Variants in CLPB observed in about 807,000 individuals in gnomAD.
The protein encoded by CLPB is mitochondrial disaggregase.
Under a neutral mutation model 78.4 loss-of-function variants are expected in CLPB, and 40 were observed. The ratio of observed to expected loss-of-function variants is 0.51; its 90% CI spans 0.40 to 0.66. The LOEUF (loss-of-function observed/expected upper bound fraction) is 0.66, where lower values mean the gene tolerates loss of function less well. Among genes scored for constraint, CLPB ranks in the 30% least tolerant of loss-of-function variants. The pLI, the probability that CLPB is intolerant of heterozygous loss-of-function variation, is 0.00. For missense variants in CLPB, 780 were observed against 886.9 expected, an observed-to-expected ratio of 0.88 and a Z score of 1.53; for synonymous variants, 333 against 348.0, an observed-to-expected ratio of 0.96 and a Z score of 0.48.
intron 11 of CLPB, among the ~76,000 whole-genome samples, chr11:72,297,639 GTGTGTGT>G (rs1949575929): frequency 4.6e-5 from 1 of 21,774 alleles, no homozygotes; most frequent in African/African-American, 5.9e-4. Context: ...GGGACCAGGT[GTGTGTGT>G]GTGTGTGTGT....
chr11:72,338,801 G>A (rs1950367578), intron 5 of CLPB, among the ~76,000 whole-genome samples: 1 of 152,224 alleles, frequency 6.6e-6, no homozygotes, highest in African/African-American at 2.4e-5. Flanking sequence ...GGATGGGTTC[G>A]CAGAAGCCAA....
intron 4 of CLPB, among the ~76,000 whole-genome samples, chr11:72,364,160 G>C (rs988730715): frequency 2.0e-5 from 3 of 152,066 alleles, no homozygotes; most frequent in African/African-American, 4.8e-5. Context: ...AAAGTGTAGA[G>C]AGCTTCAGCA....
chr11:72,395,985 G>A (rs1335951827), intron 3 of CLPB, among the ~76,000 whole-genome samples: 4 of 152,186 alleles, frequency 2.6e-5, no homozygotes, highest in Admixed American at 1.3e-4. Context: ...CAGCAATCTG[G>A]CTTAGGCTAT....
At chr11:72,306,178 G>C (rs1949743192) in intron 9 of CLPB, among the ~76,000 whole-genome samples, 1 of 152,206 alleles carries the variant, frequency 6.6e-6, no homozygotes, top group Admixed American at 6.5e-5. Context: ...GCAGAGCTAG[G>C]GGGAGTTTAA....
chr11:72,301,916 C>T lies in CLPB; in HGVS notation c.1216G>A (p.Gly406Ser), dbSNP rs1166219886. The change falls in exon 11 of 16, where the codon GGT (glycine) becomes AGT (serine). Residue 406 changes from glycine to serine, a missense_variant. Physicochemically the swap from Gly to Ser is moderately conservative, Grantham distance 56. This residue lies in a region of CLPB where 91 missense variants were observed against 168.2 expected (regional missense o/e 0.54). Transcript: ENST00000538039. ...TTCAACTTCTTGGTCAGCTGGCCAC[C>T]CTCCTCATGGCCAACGTAGCCTGGT... is the stretch of plus-strand genomic sequence containing the variant. ...SPPGYVGHEE[G>S]GQLTKKLKQC... 1 of 1,614,142 alleles carries T rather than the reference C, an allele frequency of 6.2e-7. No homozygotes were observed. Among genetic ancestry groups the T allele is most frequent in the South Asian group, 1.1e-5 (1 of 91,080 alleles).
chr11:72,409,381 C>T (rs1028067753), intron 2 of CLPB, among the ~76,000 whole-genome samples: 3 of 151,796 alleles, frequency 2.0e-5, no homozygotes, highest in Non-Finnish European at 4.4e-5. Flanking sequence ...GTCAGGAGTT[C>T]GAGACCAGCC....
chr11:72,433,098 A>G (rs557952269), intron 1 of CLPB, among the ~76,000 whole-genome samples: 1 of 152,242 alleles, frequency 6.6e-6, no homozygotes, highest in Admixed American at 6.5e-5. Context: ...GCCTCCAGGA[A>G]TCCACCTTCC....
intron 2 of CLPB, chr11:72,408,268 T>A: frequency 9.0e-7 from 1 of 1,115,558 alleles, no homozygotes; most frequent in South Asian, 1.3e-5. Context: ...AGATTCTAGC[T>A]CTGTCACTTA....
At chr11:72,425,300 G>A (rs890928228) in intron 2 of CLPB, among the ~76,000 whole-genome samples, 8 of 152,062 alleles carry the variant, frequency 5.3e-5, no homozygotes, top group African/African-American at 1.9e-4. Context: ...AATCTTGTTC[G>A]TTACTGTTAA....
chr11:72,409,387 C>G (rs953731583), intron 2 of CLPB, among the ~76,000 whole-genome samples: 1 of 151,924 alleles, frequency 6.6e-6, no homozygotes, highest in Non-Finnish European at 1.5e-5. Context: ...AGTTCGAGAC[C>G]AGCCCAGCCA....
At chr11:72,361,434 C>T (rs1950836400) in intron 4 of CLPB, among the ~76,000 whole-genome samples, 1 of 152,198 alleles carries the variant, frequency 6.6e-6, no homozygotes, top group African/African-American at 2.4e-5. Context: ...CCCTTAGTTA[C>T]AGTCTTATCA....
intron 1 of CLPB, among the ~76,000 whole-genome samples, chr11:72,433,081 C>T (rs958145483): frequency 6.6e-6 from 1 of 152,168 alleles, no homozygotes; most frequent in African/African-American, 2.4e-5. Flanking sequence ...CCAGCAGTTG[C>T]CCTTGGGCCT....
At chr11:72,337,224 A>G (rs1212123219) in intron 5 of CLPB, 1 of 398,084 alleles carries the variant, frequency 2.5e-6, no homozygotes, top group Non-Finnish European at 4.4e-6. Context: ...AGCTTTTTCT[A>G]TAAACCACAC....
chr11:72,402,834 G>T, intron 3 of CLPB, 132 bp downstream of exon 3: 1 of 681,950 alleles, frequency 1.5e-6, no homozygotes, highest in Non-Finnish European at 2.6e-6. Context: ...GTGAAGTCCA[G>T]TACCTCAGTC....
intron 3 of CLPB, among the ~76,000 whole-genome samples, chr11:72,395,161 C>A (rs551332335): frequency 6.6e-6 from 1 of 152,330 alleles, no homozygotes; most frequent in South Asian, 2.1e-4. Flanking sequence ...TGGCACTGAA[C>A]ACATTCTGCC....
chr11:72,299,896 A>G (rs1230356697), intron 11 of CLPB, among the ~76,000 whole-genome samples: 1 of 152,106 alleles, frequency 6.6e-6, no homozygotes, highest in Non-Finnish European at 1.5e-5. Context: ...GAGGAGGGGG[A>G]GACAGGGCTT....
intron 4 of CLPB, among the ~76,000 whole-genome samples, chr11:72,372,665 G>T (rs1253705971): frequency 6.6e-6 from 1 of 152,182 alleles, no homozygotes; most frequent in African/African-American, 2.4e-5. Context: ...TACTCAATCA[G>T]AATCTCTGAG....
chr11:72,359,357 T>C (rs1207431663), intron 4 of CLPB, among the ~76,000 whole-genome samples: 3 of 152,178 alleles, frequency 2.0e-5, no homozygotes, highest in African/African-American at 7.2e-5. Flanking sequence ...TAGGAGAATA[T>C]ACCAGAACGC....
chr11:72,298,423 G>C (rs1949596543), intron 11 of CLPB, among the ~76,000 whole-genome samples: 1 of 152,198 alleles, frequency 6.6e-6, no homozygotes, highest in South Asian at 2.1e-4. Context: ...GGCCAGGGCT[G>C]CATCTGTTTT....
Sources: gnomAD v4.1 joint callset for allele counts (sites outside exome capture counted in the v4.1 genomes callset) on GRCh38, gnomAD v4.1.1 for gene constraint, gnomAD v4.1.1 regional missense constraint, MANE v1.5 for transcripts, NCBI Gene and HGNC (gene_info 2026-07-23, HGNC 2026-07-21) for gene names.